Variants in SAMD4A observed in about 807,000 individuals in gnomAD.
The protein encoded by SAMD4A is protein Smaug homolog 1.
A neutral mutation model predicts 81.3 loss-of-function variants in SAMD4A; 33 were observed. The ratio of observed to expected loss-of-function variants is 0.41; its 90% CI spans 0.31 to 0.54. The LOEUF (loss-of-function observed/expected upper bound fraction) is 0.54, where lower values mean the gene tolerates loss of function less well. Among genes scored for constraint, SAMD4A ranks in the 20% least tolerant of loss-of-function variants. The pLI, the probability that SAMD4A is intolerant of heterozygous loss-of-function variation, is 0.37. For synonymous variants in SAMD4A, 389 were observed against 382.1 expected, an observed-to-expected ratio of 1.02 and a Z score of -0.21; for missense variants, 854 against 951.1, an observed-to-expected ratio of 0.90 and a Z score of 1.34.
intron 2 of SAMD4A, chr14:54,692,883 C>CT (rs1555344003): frequency 1.4e-5 from 2 of 146,354 alleles, no homozygotes; most frequent in East Asian, 3.9e-4. Flanking sequence ...AGTGCCCCCC[C>CT]CCGCAAAAAA....
At chr14:54,686,289 C>T (rs1055434502) in intron 2 of SAMD4A, among the ~76,000 whole-genome samples, 1 of 152,166 alleles carries the variant, frequency 6.6e-6, no homozygotes, top group African/African-American at 2.4e-5. Flanking sequence ...CTTCATTCTG[C>T]TACAGTTGGG....
intron 3 of SAMD4A, among the ~76,000 whole-genome samples, chr14:54,715,257 C>T (rs546292297): frequency 2.4e-4 from 37 of 152,098 alleles, no homozygotes; most frequent in South Asian, 8.3e-4. Flanking sequence ...CTTAAACTCA[C>T]GGGGATTCTC....
intron 2 of SAMD4A, among the ~76,000 whole-genome samples, chr14:54,659,239 C>G (rs2035587387): frequency 6.6e-6 from 1 of 152,174 alleles, no homozygotes; most frequent in African/African-American, 2.4e-5. Context: ...TATCCTGGGT[C>G]TTGCTCGGCT....
chr14:54,587,859 A>G (rs2033667075), intron 2 of SAMD4A, among the ~76,000 whole-genome samples: 1 of 151,760 alleles, frequency 6.6e-6, no homozygotes, highest in African/African-American at 2.4e-5. Context: ...TTTTTTTGTT[A>G]TGCCTTTCCC....
intron 3 of SAMD4A, among the ~76,000 whole-genome samples, chr14:54,728,338 G>T (rs1295382040): frequency 6.6e-6 from 1 of 152,182 alleles, no homozygotes; most frequent in Non-Finnish European, 1.5e-5. Context: ...ACAGGGTAAG[G>T]TTGTGATGGT....
chr14:54,768,543 C>T (rs949825268), intron 8 of SAMD4A, among the ~76,000 whole-genome samples: 1 of 152,206 alleles, frequency 6.6e-6, no homozygotes, highest in Non-Finnish European at 1.5e-5. Context: ...GACCAGCATG[C>T]CCACATGTGT....
chr14:54,607,605 G>A lies in SAMD4A; in HGVS notation c.196+39493G>A, dbSNP rs959515234. Among the ~76,000 whole-genome samples the A allele has an allele frequency of 1.3e-4, 20 of 151,648 alleles. No individual in the cohort carries two copies. In the South Asian group the frequency reaches 2.5e-3, roughly 19 times the overall value. On this transcript the variant is annotated intron_variant, in intron 2 of 12. Transcript: ENST00000554335. ...TGAGTAGTTGGGACTACAGGCGCCC[G>A]CCACCATGCCCGGCTAATTTTTCTA...
At chr14:54,627,083 G>A (rs766198174) in intron 2 of SAMD4A, among the ~76,000 whole-genome samples, 5 of 152,000 alleles carry the variant, frequency 3.3e-5, no homozygotes, top group Admixed American at 1.3e-4. Context: ...TTAAAAATTC[G>A]GAAAAATTAC....
At chr14:54,639,329 GA>G (rs1481590924) in intron 2 of SAMD4A, among the ~76,000 whole-genome samples, 1 of 152,230 alleles carries the variant, frequency 6.6e-6, no homozygotes, top group African/African-American at 2.4e-5. Flanking sequence ...GGAGATGTAA[GA>G]AACATGGTGG....
At chr14:54,640,738 C>A (rs1164393965) in intron 2 of SAMD4A, among the ~76,000 whole-genome samples, 2 of 152,152 alleles carry the variant, frequency 1.3e-5, no homozygotes, top group African/African-American at 4.8e-5. Flanking sequence ...GCAGCAGGTC[C>A]TGCCTCCGAG....
At chr14:54,584,339 A>C (rs1437249386) in intron 2 of SAMD4A, among the ~76,000 whole-genome samples, 1 of 152,234 alleles carries the variant, frequency 6.6e-6, no homozygotes, top group East Asian at 1.9e-4. Context: ...AGAGCTTTGC[A>C]GATAAGACAT....
At chr14:54,632,938 G>T (rs1325166938) in intron 2 of SAMD4A, among the ~76,000 whole-genome samples, 4 of 152,176 alleles carry the variant, frequency 2.6e-5, no homozygotes, top group Non-Finnish European at 5.9e-5. Context: ...TGAAGTTTTT[G>T]TCAACATTTT....
At chr14:54,603,927 C>G (rs1280955779) in intron 2 of SAMD4A, among the ~76,000 whole-genome samples, 1 of 152,064 alleles carries the variant, frequency 6.6e-6, no homozygotes, top group Non-Finnish European at 1.5e-5. Context: ...CGGGTTCAAG[C>G]GATTTTCCTG....
chr14:54,694,284 T>G (rs2036523558), intron 2 of SAMD4A: 1 of 152,624 alleles, frequency 6.6e-6, no homozygotes, highest in Non-Finnish European at 1.5e-5. Context: ...GGTGGGGATA[T>G]GCAGAAACAT....
At chr14:54,752,448 C>A (rs1373449989) in intron 6 of SAMD4A, among the ~76,000 whole-genome samples, 1 of 152,192 alleles carries the variant, frequency 6.6e-6, no homozygotes, top group African/African-American at 2.4e-5. Context: ...TTAGAGGTAA[C>A]CTCTTCTAGT....
In SAMD4A at chr14:54,774,908, TCTTC is replaced by T. The variant is rs2038801427; in HGVS notation, c.1716-21_1716-18del. The T allele has an allele frequency of 9.9e-6, 16 of 1,612,790 alleles. No homozygotes were observed. In the East Asian group the frequency reaches 3.6e-4, roughly 36 times the overall value. On this transcript the variant is annotated intron_variant, in intron 9 of 12. Transcript: ENST00000554335. ...AAGGGCTGAATAACGACTGATATTCTCTTCCTTCTCTCTTGGCTCTCACAGTCGA... is the reference window on the plus strand; with the variant it reads ...AAGGGCTGAATAACGACTGATATTCTCTTCTCTCTTGGCTCTCACAGTCGA...
At chr14:54,691,251 T>A (rs913339366) in intron 2 of SAMD4A, among the ~76,000 whole-genome samples, 1 of 152,156 alleles carries the variant, frequency 6.6e-6, no homozygotes, top group African/African-American at 2.4e-5. Context: ...TTGGGAAGGA[T>A]GAGGCCCTTG....
chr14:54,696,623 T>C (rs1271394136), intron 2 of SAMD4A, among the ~76,000 whole-genome samples: 1 of 152,232 alleles, frequency 6.6e-6, no homozygotes, highest in Admixed American at 6.5e-5. Context: ...AGCATTGACA[T>C]ACCATTGTGT....
intron 2 of SAMD4A, among the ~76,000 whole-genome samples, chr14:54,582,347 T>C (rs767767297): frequency 1.3e-5 from 2 of 152,198 alleles, no homozygotes; most frequent in Non-Finnish European, 2.9e-5. Context: ...CTTGGGTATT[T>C]TGTTGAACTT....
Sources: gnomAD v4.1 joint callset for allele counts (sites outside exome capture counted in the v4.1 genomes callset) on GRCh38, gnomAD v4.1.1 for gene constraint, MANE v1.5 for transcripts, NCBI Gene and HGNC (gene_info 2026-07-23, HGNC 2026-07-21) for gene names.